The following FAM135B variants were observed in gnomAD, a reference collection of about 807,000 sequenced individuals.
FAM135B encodes family with sequence similarity 135 member B.
FAM135B carries 43 observed loss-of-function variants against 127.7 expected under a neutral mutation model. The observed-to-expected ratio is 0.34, with a 90% CI of 0.26 to 0.43. The LOEUF is 0.43. Among genes scored for constraint, FAM135B ranks in the 20% least tolerant of loss-of-function variants. The probability of loss-of-function intolerance (pLI) is 1.00; values close to 1 mark genes in which losing one functional copy is unlikely to be tolerated. For synonymous variants in FAM135B, 670 were observed against 665.1 expected (o/e 1.01, Z -0.11); for missense variants, 1,558 against 1,725.6 (o/e 0.90, Z 1.72).
In FAM135B at chr8:138,237,150, A is replaced by ATTTTTTTT. The variant is rs10604150; in HGVS notation, c.669+5784_669+5791dup. 5.8e-4 allele frequency among the ~76,000 whole-genome samples: 59 copies of ATTTTTTTT among 101,332 alleles called. 1 individual carries two copies. Among genetic ancestry groups the ATTTTTTTT allele is most frequent in the African/African-American group, 2.2e-3 (53 of 24,226 alleles). The allele number at this position is 101,332 out of a possible 152,430, so 66.5% of individuals were successfully genotyped here. On this transcript the variant is annotated intron_variant, in intron 7 of 19. Transcript: ENST00000395297. ...CTCACTCTGAGTAACTGGATCCTTG[A>ATTTTTTTT]TTTTTTTTTTTTTTTTTTTTTTTTG...
intron 15 of FAM135B, among the ~76,000 whole-genome samples, chr8:138,145,398 A>C (rs1273444380): frequency 6.6e-6 from 1 of 152,176 alleles, no homozygotes; most frequent in Non-Finnish European, 1.5e-5. Context: ...GATCATATAT[A>C]GTATCCTCCT....
intron 1 of FAM135B, among the ~76,000 whole-genome samples, chr8:138,371,426 G>A (rs1831113250): frequency 6.6e-6 from 1 of 151,998 alleles, no homozygotes; most frequent in Non-Finnish European, 1.5e-5. Flanking sequence ...CACACAAGAT[G>A]CCCATGACAC....
chr8:138,337,584 A>C lies in FAM135B; in HGVS notation c.78-26664T>G, dbSNP rs1828701916. ...AAGGATCTCTTCAAGAAGAACTACA[A>C]ACCACTGCTCAATGAAATAAAAGAA... On this transcript the variant is annotated intron_variant, in intron 2 of 19. Coordinates refer to ENST00000395297, the MANE Select transcript of FAM135B (RefSeq NM_015912.4). 2.0e-5 allele frequency among the ~76,000 whole-genome samples: 3 copies of C among 152,162 alleles called. No homozygotes were observed. The South Asian group carries it at 6.2e-4, about 32-fold the overall frequency.
intron 9 of FAM135B, among the ~76,000 whole-genome samples, chr8:138,186,635 C>A (rs1815609798): frequency 6.6e-6 from 1 of 152,186 alleles, no homozygotes; most frequent in Non-Finnish European, 1.5e-5. Context: ...CCCTCTTCAT[C>A]CAGCCACATC....
chr8:138,268,048 C>A (rs2130652610), intron 3 of FAM135B, among the ~76,000 whole-genome samples: 1 of 152,216 alleles, frequency 6.6e-6, no homozygotes, highest in South Asian at 2.1e-4. Context: ...GAGCCGTCTG[C>A]CACCAGGAGG....
intron 1 of FAM135B, among the ~76,000 whole-genome samples, chr8:138,446,244 G>A (rs1836152097): frequency 6.6e-6 from 1 of 152,190 alleles, no homozygotes; most frequent in Non-Finnish European, 1.5e-5. Context: ...GTAATTTATA[G>A]ATTCAGTGCC....
chr8:138,330,969 A>C (rs111663983), intron 2 of FAM135B, among the ~76,000 whole-genome samples: 4 of 151,792 alleles, frequency 2.6e-5, no homozygotes, highest in African/African-American at 9.7e-5. Flanking sequence ...CAGCCTCCCG[A>C]GTAGCTGGGA....
intron 12 of FAM135B, among the ~76,000 whole-genome samples, chr8:138,167,681 G>GTTATTTTGTTAGAAAGAA (rs1820061810): frequency 6.6e-6 from 1 of 152,200 alleles, no homozygotes; most frequent in Non-Finnish European, 1.5e-5. Context: ...AGGAGTCAGG[G>GTTATTTTGTTAGAAAGAA]AGGAAGTCTT....
intron 1 of FAM135B, among the ~76,000 whole-genome samples, chr8:138,484,154 T>C (rs1814896357): frequency 6.6e-6 from 1 of 152,120 alleles, no homozygotes; most frequent in Non-Finnish European, 1.5e-5. Context: ...ATTCTATGAG[T>C]TTTTTTCAAG....
At chr8:138,301,555 C>A (rs143462000) in intron 3 of FAM135B, among the ~76,000 whole-genome samples, 3 of 152,188 alleles carry the variant, frequency 2.0e-5, no homozygotes, top group East Asian at 3.9e-4. Flanking sequence ...CGAGCTCTGT[C>A]TTCAGATGTG....
At chr8:138,433,349 C>T (rs1402547085) in intron 1 of FAM135B, among the ~76,000 whole-genome samples, 1 of 151,586 alleles carries the variant, frequency 6.6e-6, no homozygotes, top group African/African-American at 2.4e-5. Context: ...TGGTGAAACC[C>T]CGTCTCTATT....
intron 1 of FAM135B, among the ~76,000 whole-genome samples, chr8:138,405,909 A>C (rs1833454777): frequency 6.6e-6 from 1 of 151,846 alleles, no homozygotes; most frequent in African/African-American, 2.4e-5. Flanking sequence ...TGCCATTCTA[A>C]CTGGTGTGAG....
At chr8:138,448,947 CTTTG>C (rs761002183) in intron 1 of FAM135B, among the ~76,000 whole-genome samples, 53 of 152,112 alleles carry the variant, frequency 3.5e-4, no homozygotes, top group African/African-American at 1.2e-3. Flanking sequence ...ATACACTAAT[CTTTG>C]TTTGGGAGAT....
rs147820092 is a variant in FAM135B at position 138,400,886 on chromosome 8, A to T, written c.-19-32884T>A. ...AGGTTTGAAAACACTGCAAGACTAT[A>T]TGCAATTTATTTCCTACAGTTTGAT... On this transcript the variant is annotated intron_variant, in intron 1 of 19. Coordinates refer to ENST00000395297, the MANE Select transcript of FAM135B (RefSeq NM_015912.4). Among the ~76,000 whole-genome samples, 126 of 152,346 alleles carry T rather than the reference A, an allele frequency of 8.3e-4. No individual in the cohort carries two copies. In the South Asian group the frequency reaches 9.9e-3, roughly 12 times the overall value.
At chr8:138,471,923 A>G (rs1329155904) in intron 1 of FAM135B, among the ~76,000 whole-genome samples, 1 of 152,188 alleles carries the variant, frequency 6.6e-6, no homozygotes, top group Non-Finnish European at 1.5e-5. Context: ...AAGAGAAGTG[A>G]TTCACAGAAG....
chr8:138,182,375 C>T (rs1214667893), intron 9 of FAM135B, among the ~76,000 whole-genome samples: 1 of 152,166 alleles, frequency 6.6e-6, no homozygotes, highest in Non-Finnish European at 1.5e-5. Flanking sequence ...AAAGAGGCAG[C>T]TGCAGCCCAG....
intron 6 of FAM135B, among the ~76,000 whole-genome samples, chr8:138,247,752 T>C (rs140079936): frequency 2.0e-5 from 3 of 152,214 alleles, no homozygotes; most frequent in Admixed American, 6.5e-5. Flanking sequence ...TTACAAAACA[T>C]AGATCTTACC....
At chr8:138,215,112 T>C (rs1284773376) in intron 7 of FAM135B, among the ~76,000 whole-genome samples, 1 of 152,174 alleles carries the variant, frequency 6.6e-6, no homozygotes, top group Non-Finnish European at 1.5e-5. Context: ...AAGATGGACA[T>C]GATTAAATAT....
chr8:138,155,937 C>G (rs919411398), intron 12 of FAM135B, among the ~76,000 whole-genome samples: 2 of 152,132 alleles, frequency 1.3e-5, no homozygotes, highest in African/African-American at 4.8e-5. Context: ...GGCTCTGCAC[C>G]AAGCAGACCT....
Sources: allele counts gnomAD v4.1 joint callset (sites outside exome capture counted in the v4.1 genomes callset), GRCh38; gene constraint gnomAD v4.1.1; transcripts MANE v1.5; gene names NCBI Gene and HGNC (gene_info 2026-07-23, HGNC 2026-07-21).